The following FASTKD2 variants were observed in gnomAD, a reference collection of about 807,000 sequenced individuals.
The protein encoded by FASTKD2 is FAST kinase domains 2, also known as FAST kinase domain-containing protein 2, mitochondrial.
Under a neutral mutation model 63.6 loss-of-function variants are expected in FASTKD2, and 51 were observed. The observed-to-expected ratio is 0.80, with a 90% confidence interval of 0.64 to 1.01. The LOEUF (loss-of-function observed/expected upper bound fraction) is 1.01. FASTKD2 is among the 50% of genes least tolerant of loss of function. The probability of loss-of-function intolerance (pLI) is 0.00; values close to 1 mark genes in which losing one functional copy is unlikely to be tolerated. For missense variants in FASTKD2, 786 were observed against 831.1 expected, an observed-to-expected ratio of 0.95 and a Z score of 0.67; for synonymous variants, 284 against 293.4, an observed-to-expected ratio of 0.97 and a Z score of 0.33.
intron 7 of FASTKD2, among the ~76,000 whole-genome samples, chr2:206,774,719 ATCTG>A (rs978056460): frequency 3.3e-5 from 5 of 152,060 alleles, no homozygotes; most frequent in African/African-American, 1.2e-4. Flanking sequence ...AAATGGAGAA[ATCTG>A]TCTTTTAAAA....
At chr2:206,779,224 G>T (rs1448221113) in intron 7 of FASTKD2, among the ~76,000 whole-genome samples, 1 of 152,134 alleles carries the variant, frequency 6.6e-6, no homozygotes, top group Admixed American at 6.5e-5. Context: ...GTTACCATTT[G>T]CATGGAATGT....
chr2:206,792,150 T>C lies in FASTKD2; in HGVS notation c.*348T>C. The C allele has an allele frequency of 3.2e-6, 1 of 309,206 alleles. No homozygotes were observed. The highest frequency in any genetic ancestry group is 6.2e-6 in the Non-Finnish European group (1 of 162,474). The allele number at this position is 309,206 out of a possible 1,614,324, so 19.2% of individuals were successfully genotyped here. On this transcript the variant is annotated 3_prime_UTR_variant, in exon 12 of 12. Transcript: ENST00000402774. ...TGATGTGGGTAGTAGTCCTTGTCTT[T>C]GGAATCTGAATATTTATACTCCTGC...
At chr2:206,776,090 A>G (rs1346857653) in intron 7 of FASTKD2, among the ~76,000 whole-genome samples, 1 of 151,354 alleles carries the variant, frequency 6.6e-6, no homozygotes, top group South Asian at 2.1e-4. Context: ...TATTTTTGCT[A>G]TTCAGTTACA....
At chr2:206,770,520 G>C (rs1689644244) in intron 3 of FASTKD2, among the ~76,000 whole-genome samples, 1 of 152,108 alleles carries the variant, frequency 6.6e-6, no homozygotes. Flanking sequence ...GAGGCAGGCG[G>C]ATCACGAGGT....
chr2:206,768,982 C>T (rs955650828), intron 2 of FASTKD2, among the ~76,000 whole-genome samples: 3 of 152,150 alleles, frequency 2.0e-5, no homozygotes, highest in Non-Finnish European at 4.4e-5. Context: ...CTTACCTGGT[C>T]AGTGATGCTC....
chr2:206,772,036 T>G lies in FASTKD2; in HGVS notation c.1114+19T>G, dbSNP rs1160386391. 1 of 1,613,232 alleles carries G rather than the reference T, an allele frequency of 6.2e-7. No individual in the cohort carries two copies. Among genetic ancestry groups the G allele is most frequent in the Admixed American group, 1.7e-5 (1 of 60,000 alleles). ...GTCCTAGGTAAGAGGAATTTTTCTT[T>G]CATCATTTGCAATACCTGAGCTTCT... On this transcript the variant is annotated intron_variant, in intron 5 of 11. Transcript: ENST00000402774.
At chr2:206,770,559 G>A (rs1019488643) in intron 3 of FASTKD2, among the ~76,000 whole-genome samples, 5 of 151,992 alleles carry the variant, frequency 3.3e-5, no homozygotes, top group African/African-American at 4.8e-5. Flanking sequence ...GTGAAAGCCC[G>A]TCTCTACTAA....
Position 206,788,040 on chromosome 2 carries a change from G to C in FASTKD2, c.1698G>C (p.Pro566=). ...TAGCCTTGTCACTCCCACAGCTGCC[G>C]CGGGAGCTGCCATCGTCACATACAA... ...RDIALSLPQL[P]RELPSSHTNA... Residue 566 remains proline, a synonymous_variant, in exon 9 of 12, where the codon CCG becomes CCC. Transcript: ENST00000402774. 6.2e-7 allele frequency: 1 copy of C among 1,613,720 alleles called. No homozygotes were observed. Among genetic ancestry groups the C allele is most frequent in the Non-Finnish European group, 8.5e-7 (1 of 1,179,784 alleles).
chr2:206,779,044 G>A (rs1689898325), intron 7 of FASTKD2, among the ~76,000 whole-genome samples: 1 of 152,138 alleles, frequency 6.6e-6, no homozygotes, highest in Non-Finnish European at 1.5e-5. Context: ...TGGGGTTATT[G>A]AAGTCTCCTA....
intron 4 of FASTKD2, among the ~76,000 whole-genome samples, chr2:206,771,653 CAAAA>C (rs71034472): frequency 1.6e-4 from 7 of 44,552 alleles, no homozygotes; most frequent in African/African-American, 5.2e-4. Flanking sequence ...CCTGTCTCTG[CAAAA>C]AAAAAAAAAA....
intron 8 of FASTKD2, 75 bp from the exon 9 acceptor site, chr2:206,787,862 A>G (rs1690176288): frequency 1.5e-6 from 1 of 666,364 alleles, no homozygotes; most frequent in Non-Finnish European, 2.5e-6. Context: ...AACTATTACT[A>G]AATATATACT....
chr2:206,790,423 C>T, intron 10 of FASTKD2, 149 bp from the exon 11 acceptor site: 1 of 667,820 alleles, frequency 1.5e-6, no homozygotes, highest in Non-Finnish European at 2.7e-6. Context: ...CTGCAGAGGC[C>T]AAGTAAAAGA....
At position 206,771,768 on chromosome 2, in the gene FASTKD2, C is replaced by A; in HGVS notation, c.991-126C>A. ...ACATGGGCGGCTGAGGCAGGAGGAT[C>A]ACTTGAGCCTGGGAGGTTGAGGCTC... is the stretch of plus-strand genomic sequence containing the variant. On this transcript the variant is annotated intron_variant, in intron 4 of 11. Transcript: ENST00000402774. The A allele has an allele frequency of 8.5e-6, 6 of 702,840 alleles. No homozygotes were observed. In the South Asian group the frequency reaches 1.0e-4, roughly 12 times the overall value. 43.5% of individuals were successfully genotyped at this position (702,840 alleles called of 1,614,324 possible).
intron 2 of FASTKD2, 99 bp from the exon 3 acceptor site, chr2:206,769,992 A>G (rs1265878975): frequency 1.0e-5 from 8 of 778,844 alleles, no homozygotes; most frequent in South Asian, 2.8e-5. Context: ...TTGATACTCA[A>G]TCGTTTTATT....
intron 10 of FASTKD2, chr2:206,790,032 A>G (rs1690240413): frequency 1.3e-5 from 2 of 153,228 alleles, no homozygotes; most frequent in African/African-American, 2.4e-5. Context: ...GCCAGGAACA[A>G]TGAAAAAACA....
rs543891706 is a variant in FASTKD2 at position 206,795,553 on chromosome 2, A to G, written c.*3751A>G. Among the ~76,000 whole-genome samples, 17 of 152,242 alleles carry G rather than the reference A, an allele frequency of 1.1e-4. No homozygotes were observed. The highest frequency in any genetic ancestry group is 3.6e-4 in the African/African-American group (15 of 41,552). On this transcript the variant is annotated 3_prime_UTR_variant, in exon 12 of 12. Transcript: ENST00000402774. ...CGGTCCAAGATGGCTATCTCTTAAC[A>G]CACTTGTAACCCATTTGTGCACACA...
At chr2:206,782,338 C>T (rs965711790) in intron 7 of FASTKD2, among the ~76,000 whole-genome samples, 13 of 152,192 alleles carry the variant, frequency 8.5e-5, no homozygotes, top group African/African-American at 2.2e-4. Flanking sequence ...ACGACAATAT[C>T]TTAATTGGTT....
chr2:206,769,451 T>C (rs1043639390), intron 2 of FASTKD2, among the ~76,000 whole-genome samples: 1 of 152,218 alleles, frequency 6.6e-6, no homozygotes, highest in African/African-American at 2.4e-5. Flanking sequence ...TAAGCTGTGT[T>C]GTTACTATTC....
intron 8 of FASTKD2, among the ~76,000 whole-genome samples, chr2:206,787,633 A>C (rs886445153): frequency 3.3e-5 from 5 of 152,106 alleles, no homozygotes; most frequent in African/African-American, 1.2e-4. Flanking sequence ...CTTTGCCTTA[A>C]TTACGAGGCT....
Sources: allele counts gnomAD v4.1 joint callset (sites outside exome capture counted in the v4.1 genomes callset), GRCh38; gene constraint gnomAD v4.1.1; transcripts MANE v1.5; gene names NCBI Gene and HGNC (gene_info 2026-07-23, HGNC 2026-07-21).